P2RX3: variants seen among roughly 807,000 people sequenced by gnomAD.
P2RX3 encodes the protein P2X purinoceptor 3.
In P2RX3, 41 loss-of-function variants were observed where a neutral mutation model predicts 51.5. The observed-to-expected ratio is 0.80, with a 90% CI of 0.62 to 1.03. The LOEUF (loss-of-function observed/expected upper bound fraction) is 1.03, where lower values mean the gene tolerates loss of function less well. Ranked by LOEUF, P2RX3 falls within the 50% of genes least tolerant of loss-of-function variation. P2RX3 has a pLI of 0.00. For synonymous variants in P2RX3, 185 were observed against 191.6 expected, an observed-to-expected ratio of 0.97 and a Z score of 0.29; for missense variants, 459 against 522.1, an observed-to-expected ratio of 0.88 and a Z score of 1.18.
rs564060369 is a variant in P2RX3, at chr11:57,359,796, G to T, written c.843-8213G>T. Among the ~76,000 whole-genome samples the T allele has an allele frequency of 2.2e-3, 339 of 152,332 alleles. 3 individuals carry two copies. Among genetic ancestry groups the T allele is most frequent in the Middle Eastern group, 0.014 (4 of 294 alleles). On this transcript the variant is annotated intron_variant, in intron 8 of 11. Transcript: ENST00000263314. ...CAGATCCCAGCTGTGCCCCTTGCAGGCAGAGTAGCCTATGGAGCATGTCTG... is the reference window on the plus strand; with the variant it reads ...CAGATCCCAGCTGTGCCCCTTGCAGTCAGAGTAGCCTATGGAGCATGTCTG...
At chr11:57,366,981 C>T (rs888315558) in intron 8 of P2RX3, among the ~76,000 whole-genome samples, 1 of 152,200 alleles carries the variant, frequency 6.6e-6, no homozygotes, top group Non-Finnish European at 1.5e-5. Flanking sequence ...GAAGTTTCGA[C>T]ATGAGTTTTG....
At chr11:57,369,801 A>C (rs1355942152) in intron 11 of P2RX3, 83 bp from the exon 12 acceptor site, 2 of 991,968 alleles carry the variant, frequency 2.0e-6, no homozygotes, top group Non-Finnish European at 3.1e-6. Context: ...ATGGGCGCCC[A>C]CTGCTGAGTC....
chr11:57,342,501 G>C (rs1055972237), intron 1 of P2RX3, among the ~76,000 whole-genome samples: 2 of 151,968 alleles, frequency 1.3e-5, no homozygotes, highest in Non-Finnish European at 1.5e-5. Flanking sequence ...AGAGAGAGGA[G>C]TGACTCTCAT....
At chr11:57,351,392 G>C (rs180878366) in intron 8 of P2RX3, among the ~76,000 whole-genome samples, 1 of 152,210 alleles carries the variant, frequency 6.6e-6, no homozygotes, top group Admixed American at 6.5e-5. Flanking sequence ...AATTATAATT[G>C]TCTCTGGTTC....
chr11:57,337,350 G>GAAAAAAAAAAAA (rs11339711), upstream of P2RX3, among the ~76,000 whole-genome samples: 52 of 73,454 alleles, frequency 7.1e-4, no homozygotes, highest in East Asian at 2.2e-3. Context: ...AGGAAAGAAA[G>GAAAAAAAAAAAA]AAAAAAAAAA....
intron 8 of P2RX3, among the ~76,000 whole-genome samples, chr11:57,354,086 T>A (rs911255263): frequency 3.7e-4 from 56 of 152,212 alleles, no homozygotes; most frequent in African/African-American, 1.3e-3. Context: ...GCCCATGTAA[T>A]CACCCTGACA....
Position 57,363,959 on chromosome 11 carries a change from C to T in P2RX3, c.843-4050C>T, listed in dbSNP as rs148917951. ...GCAGGTGCTGGAGAAAAACCAAGTC[C>T]GCTTTGATTTTTCTCCCTGTTCCCT... On this transcript the variant is annotated intron_variant, in intron 8 of 11. Transcript: ENST00000263314. Among the ~76,000 whole-genome samples, 320 of 152,286 alleles carry T rather than the reference C, an allele frequency of 2.1e-3. 1 individual carries two copies. Among genetic ancestry groups the T allele is most frequent in the African/African-American group, 6.8e-3 (281 of 41,560 alleles).
chr11:57,339,647 C>T (rs111480647), intron 1 of P2RX3, among the ~76,000 whole-genome samples: 6 of 152,262 alleles, frequency 3.9e-5, no homozygotes, highest in African/African-American at 1.4e-4. Context: ...GCAGAAACCT[C>T]GAAGGTTTTC....
Position 57,348,273 on chromosome 11 carries a change from C to T in P2RX3, c.485+10C>T, listed in dbSNP as rs191304600. On this transcript the variant is annotated intron_variant, in intron 5 of 11. Transcript: ENST00000263314. The stretch of plus-strand genomic sequence containing the variant: ...TGGACACAGTGGAAACGTAAGGCTC[C>T]AAGCCAGACAGGAGGAGACAGGCCC... The T allele has an allele frequency of 7.7e-5, 123 of 1,590,938 alleles. No homozygotes were observed. The East Asian group carries it at 2.6e-3, about 33-fold the overall frequency.
intron 9 of P2RX3, 22 bp downstream of exon 9, chr11:57,368,124 A>T (rs1856824540): frequency 4.3e-6 from 7 of 1,609,638 alleles, no homozygotes; most frequent in Non-Finnish European, 5.1e-6. Context: ...GGCCAGGCAG[A>T]TGGGGTGGAC....
chr11:57,369,584 G>A lies in P2RX3; in HGVS notation c.1080+146G>A, dbSNP rs1279592637. 5.1e-6 allele frequency: 4 copies of A among 783,578 alleles called. No homozygotes were observed. In the South Asian group the frequency reaches 5.5e-5, roughly 11 times the overall value. 48.5% of individuals were successfully genotyped at this position (783,578 alleles called of 1,614,324 possible). A position where few individuals can be genotyped will look rare whatever the true frequency, so the allele number is the denominator to read the frequency against. On this transcript the variant is annotated intron_variant, in intron 11 of 11. Coordinates refer to ENST00000263314, the MANE Select transcript of P2RX3 (RefSeq NM_002559.5). The stretch of plus-strand genomic sequence containing the variant: ...AATATTTGGGGTCCAGACAAGGGAA[G>A]GCTTGGCCAAGACTGGGCTCTGCAG...
intron 8 of P2RX3, among the ~76,000 whole-genome samples, chr11:57,353,475 C>T (rs1856579256): frequency 6.6e-6 from 1 of 152,162 alleles, no homozygotes; most frequent in Non-Finnish European, 1.5e-5. Flanking sequence ...TCCACCCCAG[C>T]CAGGAAGACT....
chr11:57,337,350 G>GAAAAAAAAAAA (rs11339711), upstream of P2RX3, among the ~76,000 whole-genome samples: 14 of 73,484 alleles, frequency 1.9e-4, no homozygotes, highest in Non-Finnish European at 2.5e-4. Flanking sequence ...AGGAAAGAAA[G>GAAAAAAAAAAA]AAAAAAAAAA....
chr11:57,349,973 G>T, intron 7 of P2RX3, 75 bp downstream of exon 7: 3 of 1,578,306 alleles, frequency 1.9e-6, no homozygotes. Flanking sequence ...GGGCCCTTTG[G>T]CCGGCACTGG....
At chr11:57,360,512 A>C (rs1269135101) in intron 8 of P2RX3, among the ~76,000 whole-genome samples, 4 of 152,136 alleles carry the variant, frequency 2.6e-5, no homozygotes, top group African/African-American at 9.7e-5. Flanking sequence ...GTGAGATATG[A>C]GGCCAGGCGC....
intron 1 of P2RX3, 144 bp from the exon 2 acceptor site, chr11:57,346,400 C>A: frequency 1.1e-6 from 1 of 927,766 alleles, no homozygotes; most frequent in Non-Finnish European, 1.6e-6. Flanking sequence ...AGGGCTCACT[C>A]TAGGTCTCAC....
In P2RX3 at chr11:57,370,342, C is replaced by A; in HGVS notation, c.*345C>A. On this transcript the variant is annotated 3_prime_UTR_variant, in exon 12 of 12. Transcript: ENST00000263314. ...TGCCAGGCACTTTCACACACGTTATCTCATTTAATCCTTAGAATAATCCTA... is the reference window on the plus strand; with the variant it reads ...TGCCAGGCACTTTCACACACGTTATATCATTTAATCCTTAGAATAATCCTA... 1 of 236,240 alleles carries A rather than the reference C, an allele frequency of 4.2e-6. No homozygotes were observed. The highest frequency in any genetic ancestry group is 8.2e-6 in the Non-Finnish European group (1 of 121,786). The allele number at this position is 236,240 out of a possible 1,614,324, so 14.6% of individuals were successfully genotyped here. A position where few individuals can be genotyped will look rare whatever the true frequency, so the allele number is the denominator to read the frequency against.
At chr11:57,368,665 C>T (rs1180213464) in intron 10 of P2RX3, among the ~76,000 whole-genome samples, 2 of 152,188 alleles carry the variant, frequency 1.3e-5, no homozygotes, top group Non-Finnish European at 2.9e-5. Flanking sequence ...GCAGCCTTCC[C>T]GTTTTCAGGA....
intron 8 of P2RX3, among the ~76,000 whole-genome samples, chr11:57,352,862 C>T (rs544593531): frequency 1.3e-4 from 20 of 152,266 alleles, no homozygotes; most frequent in African/African-American, 4.6e-4. Flanking sequence ...CTTAGGATCT[C>T]AGATAATTGA....
Sources: allele counts gnomAD v4.1 joint callset (sites outside exome capture counted in the v4.1 genomes callset), GRCh38; gene constraint gnomAD v4.1.1; transcripts MANE v1.5; gene names NCBI Gene and HGNC (gene_info 2026-07-23, HGNC 2026-07-21).